The following METTL21C variants were observed in gnomAD, a reference collection of about 807,000 sequenced individuals.
METTL21C encodes methyltransferase 21C, AARS1 lysine, also known as protein-lysine methyltransferase METTL21C.
A neutral mutation model predicts 25.9 loss-of-function variants in METTL21C; 21 were observed. The ratio of observed to expected loss-of-function variants is 0.81; its 90% confidence interval spans 0.58 to 1.17. The LOEUF is 1.17. METTL21C is among the 50% of genes most tolerant of loss of function. The pLI, the probability that METTL21C is intolerant of heterozygous loss-of-function variation, is 0.00. For synonymous variants in METTL21C, 125 were observed against 124.7 expected (o/e 1.00, Z -0.01); for missense variants, 312 against 315.1 (o/e 0.99, Z 0.07).
At chr13:102,687,968 C>T (rs1401948655) in intron 2 of METTL21C, among the ~76,000 whole-genome samples, 2 of 152,098 alleles carry the variant, frequency 1.3e-5, no homozygotes, top group Non-Finnish European at 2.9e-5. Context: ...AATGAGGCAT[C>T]AACTAGCAGT....
chr13:102,685,978 C>G lies in METTL21C; in HGVS notation c.*53G>C, dbSNP rs759491279. ...AAGAAGTCTATTACCAAAGCAATTT[C>G]TAACACATTGCTCAAAAGACACAGT... is the stretch of plus-strand genomic sequence containing the variant. On this transcript the variant is annotated 3_prime_UTR_variant, in exon 4 of 4. Transcript: ENST00000267273. 127 of 1,514,110 alleles carry G rather than the reference C, an allele frequency of 8.4e-5. No individual in the cohort carries two copies. The highest frequency in any genetic ancestry group is 1.1e-4 in the Non-Finnish European group (123 of 1,128,846). 93.8% of individuals were successfully genotyped at this position (1,514,110 alleles called of 1,614,324 possible). A position where few individuals can be genotyped will look rare whatever the true frequency, so the allele number is the denominator to read the frequency against.
chr13:102,692,167 C>T (rs1885848117), intron 1 of METTL21C, among the ~76,000 whole-genome samples: 2 of 152,062 alleles, frequency 1.3e-5, no homozygotes, highest in Admixed American at 1.3e-4. Flanking sequence ...AGGGGGCAGC[C>T]GGTGAACATT....
At chr13:102,701,935 C>T in the METTL21C span, among the ~76,000 whole-genome samples, 3 of 152,042 alleles carry the variant, frequency 2.0e-5, no homozygotes, top group African/African-American at 7.2e-5. Context: ...GAGGCTGAGG[C>T]GGGCAAATCA....
intron 2 of METTL21C, 142 bp downstream of exon 2, chr13:102,690,671 A>G: frequency 2.3e-6 from 2 of 878,332 alleles, no homozygotes; most frequent in Non-Finnish European, 3.4e-6. Flanking sequence ...CACTCCACCA[A>G]CACCCTCCAG....
chr13:102,702,945 A>C, the METTL21C span, among the ~76,000 whole-genome samples: 3 of 152,360 alleles, frequency 2.0e-5, no homozygotes, highest in South Asian at 6.2e-4. Context: ...GGTAATTTTT[A>C]AAATATGCCA....
At position 102,686,311 on chromosome 13, in the gene METTL21C, C is replaced by CA. The variant is rs754145647; in HGVS notation, c.514dup (p.Trp172LeufsTer17). The CA allele has an allele frequency of 1.9e-6, 3 of 1,614,206 alleles. No homozygotes were observed. Among genetic ancestry groups the CA allele is most frequent in the Non-Finnish European group, 1.7e-6 (2 of 1,180,028 alleles). ...AAAGTTTTTGTCCAGGTCTTCCCCC[C>CA]ATACCAGTTCTTTCACTTCAGGCAG... On this transcript the variant is annotated frameshift_variant, in exon 4 of 4. Coordinates refer to ENST00000267273, the MANE Select transcript of METTL21C (RefSeq NM_001010977.3). LOFTEE classifies it high-confidence loss of function.
At chr13:102,698,654 C>T (rs1041590744), upstream of METTL21C, among the ~76,000 whole-genome samples, 11 of 152,064 alleles carry the variant, frequency 7.2e-5, no homozygotes, top group African/African-American at 2.7e-4. Flanking sequence ...CCCCAATTTT[C>T]CAGCCCCTCA....
At chr13:102,692,580 AT>A (rs1220390006) in intron 1 of METTL21C, among the ~76,000 whole-genome samples, 2 of 152,000 alleles carry the variant, frequency 1.3e-5, no homozygotes, top group Non-Finnish European at 2.9e-5. Context: ...TAAAAAAAAA[AT>A]GTGAATGAAG....
At chr13:102,687,552 G>A (rs748918987) in intron 2 of METTL21C, among the ~76,000 whole-genome samples, 7 of 152,210 alleles carry the variant, frequency 4.6e-5, no homozygotes, top group African/African-American at 9.7e-5. Flanking sequence ...GCACTTTGCC[G>A]TATTGAGCGA....
chr13:102,700,336 G>A, the METTL21C span, among the ~76,000 whole-genome samples: 7 of 152,160 alleles, frequency 4.6e-5, no homozygotes, highest in Admixed American at 2.0e-4. Flanking sequence ...ATGCACTTTG[G>A]AGAATAGACA....
chr13:102,699,717 T>A (rs754770915), upstream of METTL21C, among the ~76,000 whole-genome samples: 4 of 152,210 alleles, frequency 2.6e-5, no homozygotes, highest in Non-Finnish European at 5.9e-5. Flanking sequence ...TGCAATTTCA[T>A]AACTTCTGGT....
chr13:102,688,305 T>A (rs1190597826), intron 2 of METTL21C, among the ~76,000 whole-genome samples: 1 of 152,226 alleles, frequency 6.6e-6, no homozygotes, highest in African/African-American at 2.4e-5. Context: ...CATATTGAAC[T>A]GCCACGGGCA....
At chr13:102,689,873 C>G (rs1413489897) in intron 2 of METTL21C, among the ~76,000 whole-genome samples, 2 of 152,222 alleles carry the variant, frequency 1.3e-5, no homozygotes, top group African/African-American at 4.8e-5. Flanking sequence ...TTAATTCTCA[C>G]AATTCTGACA....
rs112562724 is a variant in METTL21C at position 102,686,805 on chromosome 13, C to T, written c.400+135G>A. The T allele has an allele frequency of 1.1e-3, 756 of 676,472 alleles. 1 individual carries two copies. The highest frequency in any genetic ancestry group is 1.4e-3 in the Non-Finnish European group (543 of 383,560). The allele number at this position is 676,472 out of a possible 1,614,324, so 41.9% of individuals were successfully genotyped here. On this transcript the variant is annotated intron_variant, in intron 3 of 3. Transcript: ENST00000267273. ...TGTAGATAACAGCAGTAATTCCTGC[C>T]GCATGACATTTTGGGGAGAGTCACT... is the stretch of plus-strand genomic sequence containing the variant.
At chr13:102,686,490 G>A in intron 3 of METTL21C, 65 bp from the exon 4 acceptor site, 1 of 1,512,258 alleles carries the variant, frequency 6.6e-7, no homozygotes, top group South Asian at 1.3e-5. Context: ...TATACCCAGG[G>A]AGAAACACAA....
At chr13:102,689,680 C>T (rs1177525660) in intron 2 of METTL21C, among the ~76,000 whole-genome samples, 2 of 152,206 alleles carry the variant, frequency 1.3e-5, no homozygotes, top group Admixed American at 6.5e-5. Context: ...AAAGCAACCA[C>T]ACTGGCTCTG....
the METTL21C span, among the ~76,000 whole-genome samples, chr13:102,700,354 T>A: frequency 6.6e-6 from 1 of 152,168 alleles, no homozygotes; most frequent in South Asian, 2.1e-4. Context: ...ACATACTTAG[T>A]TGTTCGCTTC....
upstream of METTL21C, among the ~76,000 whole-genome samples, chr13:102,699,853 G>C (rs186426474): frequency 8.7e-4 from 133 of 152,314 alleles, 1 homozygote; most frequent in South Asian, 0.011. Flanking sequence ...AGTCCCCTGA[G>C]AGCAGCCGCT....
chr13:102,702,228 CAGAAAG>C, the METTL21C span, among the ~76,000 whole-genome samples: 1 of 143,348 alleles, frequency 7.0e-6, no homozygotes, highest in Non-Finnish European at 1.5e-5. Context: ...GAGAGAGAGA[CAGAAAG>C]AGAGAGAGAG....
Sources: allele counts gnomAD v4.1 joint callset (sites outside exome capture counted in the v4.1 genomes callset), GRCh38; gene constraint gnomAD v4.1.1; transcripts MANE v1.5; gene names NCBI Gene and HGNC (gene_info 2026-07-23, HGNC 2026-07-21).